The following RBFOX1 variants were observed in gnomAD, a reference collection of about 807,000 sequenced individuals.
RBFOX1 encodes the protein RNA binding fox-1 homolog 1.
In RBFOX1, 8 loss-of-function variants were observed where a neutral mutation model predicts 57.7. That is an observed-to-expected ratio of 0.14 (90% CI 0.08 to 0.25). The LOEUF is 0.25. Ranked by LOEUF, RBFOX1 falls within the 10% of genes least tolerant of loss-of-function variation. RBFOX1 has a pLI of 1.00. For missense variants in RBFOX1, 611 were observed against 548.5 expected, an observed-to-expected ratio of 1.11 and a Z score of -1.14; for synonymous variants, 326 against 222.4, an observed-to-expected ratio of 1.47 and a Z score of -4.15.
At chr16:6,303,805 CTTTTTT>C (rs1177185329) in intron 1 of RBFOX1, among the ~76,000 whole-genome samples, 1 of 70,402 alleles carries the variant, frequency 1.4e-5, no homozygotes, top group Non-Finnish European at 2.5e-5. Context: ...GAAACCCTGT[CTTTTTT>C]TTTTTTTTTT....
intron 3 of RBFOX1, among the ~76,000 whole-genome samples, chr16:6,833,583 C>G (rs555275596): frequency 3.4e-4 from 51 of 152,202 alleles, no homozygotes; most frequent in Non-Finnish European, 6.2e-4. Context: ...CTCCACTGCA[C>G]TTATACACCT....
chr16:7,486,446 T>C (rs1422296585), intron 4 of RBFOX1, among the ~76,000 whole-genome samples: 2 of 152,024 alleles, frequency 1.3e-5, no homozygotes, highest in East Asian at 3.9e-4. Context: ...CTTGTGTCTT[T>C]TCTACGTGGA....
At chr16:6,326,088 C>G (rs8045018) in intron 2 of RBFOX1, among the ~76,000 whole-genome samples, 3,145 of 152,278 alleles carry the variant, frequency 0.021, 119 homozygotes, top group African/African-American at 0.071. Context: ...ACCTCAGTCC[C>G]TCTGTTTAAG....
intron 4 of RBFOX1, among the ~76,000 whole-genome samples, chr16:7,453,656 C>A (rs1388854577): frequency 6.6e-6 from 1 of 152,114 alleles, no homozygotes; most frequent in African/African-American, 2.4e-5. Context: ...TGTAAAACAT[C>A]CACTTCATGC....
chr16:5,599,057 GT>G lies in RBFOX1; in HGVS notation c.419del (p.Leu140TyrfsTer10). The G allele has an allele frequency of 9.0e-7, 1 of 1,114,660 alleles. No homozygotes were observed. The highest frequency in any genetic ancestry group is 1.3e-6 in the Non-Finnish European group (1 of 762,284). The allele number at this position is 1,114,660 out of a possible 1,614,324, so 69.0% of individuals were successfully genotyped here. On this transcript the variant is annotated frameshift_variant, in exon 3 of 3. Transcript: ENST00000585867. LOFTEE classifies it low-confidence loss of function (END_TRUNC). ...TCTCCGTCATCAATCACCGGGAATG[GT>G]TTTTACCTGAAACTGATCTTGCTGG...
At chr16:6,208,200 A>C (rs910703722) in intron 1 of RBFOX1, among the ~76,000 whole-genome samples, 1 of 152,094 alleles carries the variant, frequency 6.6e-6, no homozygotes, top group Non-Finnish European at 1.5e-5. Context: ...TTGTAAAACT[A>C]TAAGTTTAAA....
intron 4 of RBFOX1, among the ~76,000 whole-genome samples, chr16:7,293,157 C>G (rs1259304666): frequency 6.6e-6 from 1 of 152,154 alleles, no homozygotes; most frequent in African/African-American, 2.4e-5. Flanking sequence ...AACTGCAGAT[C>G]AAAAATATTC....
chr16:6,703,763 C>G lies in RBFOX1; in HGVS notation c.-16+49113C>G, dbSNP rs188495759. 5.2e-3 allele frequency: 788 copies of G among 152,232 alleles called. 12 individuals carry two copies. Among genetic ancestry groups the G allele is most frequent in the Non-Finnish European group, 5.8e-3 (395 of 68,080 alleles). 9.4% of individuals were successfully genotyped at this position (152,232 alleles called of 1,614,324 possible). On this transcript the variant is annotated intron_variant, in intron 3 of 15. Transcript: ENST00000550418. ...GGCTCTGAGAGTTCAAGGACAAGAC[C>G]AGCAACTGAATCCACATCTGTCCAA...
At chr16:7,594,781 T>C (rs2094604513) in intron 7 of RBFOX1, among the ~76,000 whole-genome samples, 1 of 152,318 alleles carries the variant, frequency 6.6e-6, no homozygotes, top group East Asian at 1.9e-4. Flanking sequence ...ACCTTTCCCT[T>C]TCTGGTTAAC....
chr16:6,210,911 A>C (rs2097292473), intron 1 of RBFOX1, among the ~76,000 whole-genome samples: 1 of 152,118 alleles, frequency 6.6e-6, no homozygotes, highest in Non-Finnish European at 1.5e-5. Flanking sequence ...TTAGGAAAAC[A>C]CAAGGTCTTT....
intron 4 of RBFOX1, among the ~76,000 whole-genome samples, chr16:7,496,779 G>A (rs1600008404): frequency 7.0e-6 from 1 of 143,068 alleles, no homozygotes; most frequent in Non-Finnish European, 1.5e-5. Context: ...TTGTGTAATT[G>A]CTCCAAATTG....
Position 6,445,561 on chromosome 16 carries a change from C to CT in RBFOX1, c.-64+128526dup, listed in dbSNP as rs374322471. ...GCTTATTAACCTTGCCTCTGAACTC[C>CT]TTTTTTTTTTTTTTTTTTTTTTGAG... is the stretch of plus-strand genomic sequence containing the variant. On this transcript the variant is annotated intron_variant, in intron 2 of 15. Transcript: ENST00000550418. Among the ~76,000 whole-genome samples the CT allele has an allele frequency of 3.2e-3, 363 of 114,820 alleles. 1 individual carries two copies. Among genetic ancestry groups the CT allele is most frequent in the East Asian group, 6.9e-3 (25 of 3,618 alleles). 75.3% of individuals were successfully genotyped at this position (114,820 alleles called of 152,430 possible). A position where few individuals can be genotyped will look rare whatever the true frequency, so the allele number is the denominator to read the frequency against.
At chr16:5,727,488 ATG>A (rs2151550974) in intron 3 of RBFOX1, among the ~76,000 whole-genome samples, 1 of 152,320 alleles carries the variant, frequency 6.6e-6, no homozygotes, top group East Asian at 1.9e-4. Flanking sequence ...TAACCTTTGT[ATG>A]TGTGTGTATA....
At chr16:6,424,071 C>T (rs1009631063) in intron 2 of RBFOX1, among the ~76,000 whole-genome samples, 5 of 152,120 alleles carry the variant, frequency 3.3e-5, no homozygotes, top group South Asian at 2.1e-4. Context: ...AAACCCATCT[C>T]TACTAAAAAT....
chr16:5,401,486 C>T (rs971143180), intron 1 of RBFOX1, among the ~76,000 whole-genome samples: 3 of 152,252 alleles, frequency 2.0e-5, no homozygotes, highest in African/African-American at 7.2e-5. Flanking sequence ...GGCCCCTCCT[C>T]CTGCCGTTAG....
At chr16:5,994,658 C>A (rs982809367) in intron 4 of RBFOX1, among the ~76,000 whole-genome samples, 1 of 152,176 alleles carries the variant, frequency 6.6e-6, no homozygotes, top group African/African-American at 2.4e-5. Context: ...AAAACAGTCA[C>A]AGATAATATG....
chr16:6,784,716 C>G (rs111909491), intron 3 of RBFOX1, among the ~76,000 whole-genome samples: 3 of 150,878 alleles, frequency 2.0e-5, no homozygotes, highest in Admixed American at 6.6e-5. Flanking sequence ...TATAAAGGTG[C>G]TTTATTGTGT....
chr16:5,927,151 G>C (rs2058956028), intron 4 of RBFOX1, among the ~76,000 whole-genome samples: 1 of 152,126 alleles, frequency 6.6e-6, no homozygotes, highest in Non-Finnish European at 1.5e-5. Flanking sequence ...TGGAAACTAT[G>C]ATTATTTTTC....
chr16:7,363,283 A>C (rs563619640), intron 4 of RBFOX1, among the ~76,000 whole-genome samples: 5 of 152,226 alleles, frequency 3.3e-5, no homozygotes, highest in African/African-American at 1.2e-4. Context: ...AAACCTGTCA[A>C]GCTGTTGAGA....
Sources: allele counts gnomAD v4.1 joint callset (sites outside exome capture counted in the v4.1 genomes callset), GRCh38; gene constraint gnomAD v4.1.1; transcripts MANE v1.5; gene names NCBI Gene and HGNC (gene_info 2026-07-23, HGNC 2026-07-21).